Variants in GRIP1 observed in about 807,000 individuals in gnomAD.
GRIP1 encodes the protein glutamate receptor interacting protein 1.
GRIP1 carries 45 observed loss-of-function variants against 129.9 expected under a neutral mutation model. The ratio of observed to expected loss-of-function variants is 0.35; its 90% CI spans 0.27 to 0.44. The LOEUF is 0.44. GRIP1 is among the 20% of genes least tolerant of loss of function. The probability of loss-of-function intolerance (pLI) is 1.00; values close to 1 mark genes in which losing one functional copy is unlikely to be tolerated. For missense variants in GRIP1, 1,196 were observed against 1,396.8 expected (o/e 0.86, Z 2.29); for synonymous variants, 530 against 520.8 (o/e 1.02, Z -0.24).
chr12:66,685,482 G>C (rs1234986776), intron 1 of GRIP1, among the ~76,000 whole-genome samples: 1 of 152,124 alleles, frequency 6.6e-6, no homozygotes, highest in Non-Finnish European at 1.5e-5. Context: ...CCAATAGGGA[G>C]AGGTTCTATA....
At chr12:66,811,351 T>C (rs1040923882) in intron 1 of GRIP1, among the ~76,000 whole-genome samples, 1 of 152,230 alleles carries the variant, frequency 6.6e-6, no homozygotes, top group African/African-American at 2.4e-5. Context: ...GGAACTCATT[T>C]TTTCCTGAAG....
At chr12:66,614,493 G>A (rs2064952343) in intron 1 of GRIP1, among the ~76,000 whole-genome samples, 1 of 151,940 alleles carries the variant, frequency 6.6e-6, no homozygotes, top group African/African-American at 2.4e-5. Context: ...AGAATGTATT[G>A]CAAATCCATT....
chr12:66,694,170 G>A (rs112487197), intron 1 of GRIP1, among the ~76,000 whole-genome samples: 1,906 of 152,202 alleles, frequency 0.013, 45 homozygotes, highest in African/African-American at 0.044. Context: ...ACTAGACAGG[G>A]GTCCTTGAGG....
At chr12:66,616,074 T>C (rs1159700067) in intron 1 of GRIP1, among the ~76,000 whole-genome samples, 1 of 152,180 alleles carries the variant, frequency 6.6e-6, no homozygotes. Context: ...TTACAGTTTC[T>C]CTTCATAAAC....
At chr12:66,889,453 C>T (rs1335535016) in intron 1 of GRIP1, among the ~76,000 whole-genome samples, 1 of 152,150 alleles carries the variant, frequency 6.6e-6, no homozygotes, top group Admixed American at 6.5e-5. Context: ...AAGAGTGAAA[C>T]TCTGTCTCAA....
chr12:66,732,547 C>A (rs2036471872), intron 1 of GRIP1, among the ~76,000 whole-genome samples: 2 of 150,770 alleles, frequency 1.3e-5, no homozygotes, highest in Non-Finnish European at 3.0e-5. Context: ...CGTCTCAAAA[C>A]AAACAAACAA....
chr12:66,446,982 C>T (rs2058647710), intron 11 of GRIP1, among the ~76,000 whole-genome samples: 1 of 152,186 alleles, frequency 6.6e-6, no homozygotes, highest in South Asian at 2.1e-4. Flanking sequence ...CACTTGTCTC[C>T]TGAGTCTATT....
chr12:66,653,116 T>C (rs1470594872), intron 1 of GRIP1, among the ~76,000 whole-genome samples: 5 of 152,186 alleles, frequency 3.3e-5, no homozygotes, highest in Non-Finnish European at 5.9e-5. Context: ...TTGGTAAGAG[T>C]TGAATCCTTG....
intron 19 of GRIP1, among the ~76,000 whole-genome samples, chr12:66,391,832 C>G (rs758745003): frequency 7.3e-5 from 11 of 151,674 alleles, no homozygotes; most frequent in Non-Finnish European, 1.2e-4. Context: ...GCTGGGGTGA[C>G]AGAGTGAGAC....
chr12:66,786,895 A>G (rs946744153), intron 1 of GRIP1, among the ~76,000 whole-genome samples: 1 of 152,214 alleles, frequency 6.6e-6, no homozygotes, highest in African/African-American at 2.4e-5. Context: ...CCATGTAATA[A>G]TTCTATTTTC....
At chr12:66,631,908 C>A (rs1378250500) in intron 1 of GRIP1, among the ~76,000 whole-genome samples, 2 of 152,150 alleles carry the variant, frequency 1.3e-5, no homozygotes, top group African/African-American at 4.8e-5. Flanking sequence ...TATCGTATAA[C>A]CCTATGAGGT....
chr12:66,660,176 G>A (rs1191136117), intron 1 of GRIP1, among the ~76,000 whole-genome samples: 3 of 152,096 alleles, frequency 2.0e-5, no homozygotes, highest in Non-Finnish European at 2.9e-5. Flanking sequence ...TTGTGTTCAC[G>A]TTAGAATTTG....
At chr12:66,621,896 C>G (rs543106761) in intron 1 of GRIP1, among the ~76,000 whole-genome samples, 1 of 151,972 alleles carries the variant, frequency 6.6e-6, no homozygotes, top group Admixed American at 6.6e-5. Context: ...TATCTTCTTT[C>G]GACAAAGGTC....
intron 1 of GRIP1, among the ~76,000 whole-genome samples, chr12:66,872,030 C>T (rs1006333153): frequency 3.3e-5 from 5 of 152,068 alleles, no homozygotes; most frequent in African/African-American, 7.2e-5. Flanking sequence ...AGGTACCCAG[C>T]ACCTTTTTAC....
At position 67,068,766 on chromosome 12, in the gene GRIP1, C is replaced by A. The variant is rs185338187; in HGVS notation, c.58+284G>T. Among the ~76,000 whole-genome samples the A allele has an allele frequency of 1.9e-3, 274 of 145,438 alleles. 4 individuals are homozygous for A. Among genetic ancestry groups the A allele is most frequent in the African/African-American group, 6.6e-3 (260 of 39,320 alleles). On this transcript the variant is annotated intron_variant, in intron 1 of 1. Coordinates refer to the GRIP1 transcript ENST00000643019. ...GCGGGCCCTGCAGAAGCTGGAGTTT[C>A]CCCTACATCCTCGCCAGAAAAAATC...
chr12:66,889,727 G>A (rs1221909200), intron 1 of GRIP1, among the ~76,000 whole-genome samples: 2 of 152,118 alleles, frequency 1.3e-5, no homozygotes, highest in African/African-American at 4.8e-5. Flanking sequence ...GCTTAAATGT[G>A]TAACACAAAT....
intron 1 of GRIP1, among the ~76,000 whole-genome samples, chr12:66,893,504 C>T (rs2040696263): frequency 6.6e-6 from 1 of 152,172 alleles, no homozygotes; most frequent in South Asian, 2.1e-4. Context: ...TCCCAAAGTG[C>T]TGGGAATACA....
In GRIP1 at chr12:66,539,124, C is replaced by A; in HGVS notation, c.372G>T (p.Val124=). 6.2e-7 allele frequency: 1 copy of A among 1,614,132 alleles called. No individual in the cohort carries two copies. The highest frequency in any genetic ancestry group is 1.1e-5 in the South Asian group (1 of 91,080). ...HDEIISLLKN[V]GERVVLEVEY... ...CTACTTCAAGAACCACTCTTTCTCC[C>A]ACATTCTTCAGCAAGCTGATGATCT... Residue 124 remains valine (V), a synonymous_variant, in exon 4 of 25, where the codon GTG becomes GTT. Transcript: ENST00000359742.
At chr12:67,049,530 G>C (rs2043307573) in intron 1 of GRIP1, among the ~76,000 whole-genome samples, 1 of 152,122 alleles carries the variant, frequency 6.6e-6, no homozygotes, top group Non-Finnish European at 1.5e-5. Context: ...ATGGACGCAG[G>C]GAGGGGAACT....
Sources: allele counts gnomAD v4.1 joint callset (sites outside exome capture counted in the v4.1 genomes callset), GRCh38; gene constraint gnomAD v4.1.1; transcripts MANE v1.5; gene names NCBI Gene and HGNC (gene_info 2026-07-23, HGNC 2026-07-21).